Variants in ORC4 observed in about 807,000 individuals in gnomAD.
The protein encoded by ORC4 is origin recognition complex subunit 4.
In ORC4, 55 loss-of-function variants were observed where a neutral mutation model predicts 63.9. That is an observed-to-expected ratio of 0.86 (90% CI 0.69 to 1.08). The LOEUF is 1.08. Among genes scored for constraint, ORC4 ranks in the 50% least tolerant of loss-of-function variants. The probability of loss-of-function intolerance (pLI) is 0.00; values close to 1 mark genes in which losing one functional copy is unlikely to be tolerated. For synonymous variants in ORC4, 150 were observed against 168.5 expected, an observed-to-expected ratio of 0.89 and a Z score of 0.85; for missense variants, 511 against 504.4, an observed-to-expected ratio of 1.01 and a Z score of -0.13.
At chr2:147,966,134 G>T (rs1048576805) in intron 4 of ORC4, among the ~76,000 whole-genome samples, 1 of 151,928 alleles carries the variant, frequency 6.6e-6, no homozygotes, top group Non-Finnish European at 1.5e-5. Context: ...ATGGGCAAAA[G>T]AAATTAAGAA....
In ORC4 at chr2:147,932,423, A is replaced by G. The variant is rs1450518697; in HGVS notation, c.*3087T>C. On this transcript the variant is annotated 3_prime_UTR_variant, in exon 14 of 14. Transcript: ENST00000392857. ...TCAATGCCATCCCCATCAAGCTACC[A>G]ATGACTTTCTTCACAGAATTGGAAA... The G allele has an allele frequency of 6.6e-6, 1 of 152,112 alleles. No homozygotes were observed. The highest frequency in any genetic ancestry group is 2.4e-5 in the African/African-American group (1 of 41,424). The allele number at this position is 152,112 out of a possible 1,614,324, so 9.4% of individuals were successfully genotyped here.
At chr2:147,948,812 C>T (rs1333484931) in intron 8 of ORC4, among the ~76,000 whole-genome samples, 2 of 151,060 alleles carry the variant, frequency 1.3e-5, no homozygotes, top group Admixed American at 6.6e-5. Flanking sequence ...TAAGGACATA[C>T]GAAGTGTTCT....
intron 1 of ORC4, among the ~76,000 whole-genome samples, chr2:147,997,563 T>C (rs545986499): frequency 5.3e-5 from 8 of 152,280 alleles, no homozygotes; most frequent in African/African-American, 1.9e-4. Context: ...TGTTATTTTG[T>C]AAGTATTTAA....
At chr2:147,987,382 GTATA>G (rs372437598) in intron 1 of ORC4, among the ~76,000 whole-genome samples, 1 of 103,480 alleles carries the variant, frequency 9.7e-6, no homozygotes, top group Non-Finnish European at 2.3e-5. Context: ...GTGTGTGTGT[GTATA>G]TATATACACA....
chr2:147,970,962 C>T (rs1337045173), intron 4 of ORC4, among the ~76,000 whole-genome samples: 4 of 150,504 alleles, frequency 2.7e-5, no homozygotes, highest in African/African-American at 7.4e-5. Flanking sequence ...GAGACCTCGT[C>T]TCTACACAAA....
chr2:147,982,165 CA>C (rs751418557), intron 1 of ORC4: 2 of 152,204 alleles, frequency 1.3e-5, no homozygotes, highest in Non-Finnish European at 2.9e-5. Flanking sequence ...GTGGTCTTCT[CA>C]GCTGTCTTAG....
intron 4 of ORC4, among the ~76,000 whole-genome samples, chr2:147,963,354 A>G (rs1047418381): frequency 2.0e-5 from 3 of 151,994 alleles, no homozygotes; most frequent in Non-Finnish European, 4.4e-5. Context: ...GCTGCAGAAA[A>G]GTTCCCAGGC....
In ORC4 at chr2:147,952,381, A is replaced by T. The variant is rs144969263; in HGVS notation, c.580T>A (p.Cys194Ser). Residue 194 changes from cysteine (C) to serine (S), a missense_variant, in exon 8 of 14, where the codon TGT becomes AGT. Transcript: ENST00000392857. ...TGAACAGAAAGACTTACCAATCTAC[A>T]TGTAAGACCAATAACTGCTATTGGG... ...QTPIAVIGLTCRLDILELLEK... is the reference protein window; with the variant it reads ...QTPIAVIGLTSRLDILELLEK... 2.3e-5 allele frequency: 37 copies of T among 1,602,290 alleles called. 1 individual carries two copies. The South Asian group carries it at 3.8e-4, about 16-fold the overall frequency.
intron 1 of ORC4, among the ~76,000 whole-genome samples, chr2:148,020,104 A>G (rs17218805): frequency 3.3e-5 from 5 of 152,180 alleles, no homozygotes; most frequent in South Asian, 2.1e-4. Context: ...ACAACGCAAG[A>G]CATGGAGGGA....
chr2:147,951,294 C>T (rs898780051), intron 8 of ORC4, among the ~76,000 whole-genome samples: 6 of 152,124 alleles, frequency 3.9e-5, no homozygotes, highest in Admixed American at 6.6e-5. Flanking sequence ...GCTATGGAGG[C>T]ATGGCAGTCA....
chr2:147,964,075 C>A (rs1689758684), intron 4 of ORC4, among the ~76,000 whole-genome samples: 1 of 152,154 alleles, frequency 6.6e-6, no homozygotes, highest in African/African-American at 2.4e-5. Flanking sequence ...AAACATGACA[C>A]TTCCAAAGGA....
At chr2:147,955,256 T>A in intron 7 of ORC4, 91 bp downstream of exon 7, 3 of 819,256 alleles carry the variant, frequency 3.7e-6, no homozygotes, top group South Asian at 1.6e-5. Flanking sequence ...AGAGCTTTTT[T>A]TTTTGGCAAA....
intron 1 of ORC4, among the ~76,000 whole-genome samples, chr2:148,004,702 C>T (rs1014146594): frequency 6.6e-6 from 1 of 151,920 alleles, no homozygotes; most frequent in Non-Finnish European, 1.5e-5. Context: ...TAGGCATGGG[C>T]AAAAATTTCA....
At chr2:147,959,196 G>C (rs558562945) in intron 4 of ORC4, among the ~76,000 whole-genome samples, 22 of 151,656 alleles carry the variant, frequency 1.5e-4, no homozygotes, top group Non-Finnish European at 1.6e-4. Context: ...TCATGTCTCA[G>C]TTAGTACATT....
chr2:147,996,042 C>T (rs986839771), intron 1 of ORC4, among the ~76,000 whole-genome samples: 41 of 151,184 alleles, frequency 2.7e-4, no homozygotes, highest in Admixed American at 1.8e-3. Flanking sequence ...CGGTGGCTTA[C>T]GCCTGTAATC....
intron 1 of ORC4, among the ~76,000 whole-genome samples, chr2:147,981,337 G>A (rs769587685): frequency 1.3e-4 from 20 of 152,186 alleles, no homozygotes; most frequent in Non-Finnish European, 1.8e-4. Flanking sequence ...AATTATGTAT[G>A]TCCCAGGCAA....
chr2:147,967,595 A>G (rs17219050), intron 4 of ORC4, among the ~76,000 whole-genome samples: 5,583 of 152,130 alleles, frequency 0.037, 331 homozygotes, highest in African/African-American at 0.13. Flanking sequence ...AAGGAGGTGA[A>G]AGGTACAGTT....
At chr2:148,010,561 C>T (rs747165730) in intron 1 of ORC4, among the ~76,000 whole-genome samples, 2 of 151,986 alleles carry the variant, frequency 1.3e-5, no homozygotes, top group Non-Finnish European at 2.9e-5. Context: ...ACCATTTGAA[C>T]AACTGCATGC....
chr2:148,002,156 T>C (rs1416829289), intron 1 of ORC4, among the ~76,000 whole-genome samples: 1 of 151,966 alleles, frequency 6.6e-6, no homozygotes, highest in Non-Finnish European at 1.5e-5. Flanking sequence ...CCCACAACAA[T>C]AGCAGTGGGA....
Sources: allele counts gnomAD v4.1 joint callset (sites outside exome capture counted in the v4.1 genomes callset), GRCh38; gene constraint gnomAD v4.1.1; transcripts MANE v1.5; gene names NCBI Gene and HGNC (gene_info 2026-07-23, HGNC 2026-07-21).